Variants in CLEC3B observed in about 807,000 individuals in gnomAD.
CLEC3B encodes tetranectin.
A neutral mutation model predicts 15.4 loss-of-function variants in CLEC3B; 13 were observed. The ratio of observed to expected loss-of-function variants is 0.84; its 90% CI spans 0.55 to 1.34. The LOEUF is 1.34. CLEC3B is among the 40% of genes most tolerant of loss of function. The pLI, the probability that CLEC3B is intolerant of heterozygous loss-of-function variation, is 0.00. For missense variants in CLEC3B, 242 were observed against 268.6 expected, an observed-to-expected ratio of 0.90 and a Z score of 0.69; for synonymous variants, 112 against 114.7, an observed-to-expected ratio of 0.98 and a Z score of 0.15.
chr3:45,034,014 T>G (rs1396591123), intron 2 of CLEC3B, among the ~76,000 whole-genome samples: 1 of 152,194 alleles, frequency 6.6e-6, no homozygotes, highest in Non-Finnish European at 1.5e-5. Flanking sequence ...TTCGGCACTG[T>G]CCTGAGTCGG....
intron 2 of CLEC3B, among the ~76,000 whole-genome samples, chr3:45,031,867 G>T (rs1472087727): frequency 3.0e-5 from 4 of 131,208 alleles, no homozygotes; most frequent in Non-Finnish European, 6.4e-5. Flanking sequence ...TGTTCTTGAT[G>T]CTTGATGCAG....
chr3:45,029,539 C>A (rs185874187), intron 1 of CLEC3B, among the ~76,000 whole-genome samples: 1 of 152,176 alleles, frequency 6.6e-6, no homozygotes, highest in Non-Finnish European at 1.5e-5. Flanking sequence ...TGTTTTTGCT[C>A]CAGTTTGGTA....
At chr3:45,030,055 T>C in intron 1 of CLEC3B, 1 of 566,212 alleles carries the variant, frequency 1.8e-6, no homozygotes, top group Non-Finnish European at 2.2e-6. Flanking sequence ...CATGGTGAAA[T>C]GCTGGTGGTA....
intron 2 of CLEC3B, among the ~76,000 whole-genome samples, chr3:45,033,449 C>T (rs150998005): frequency 3.9e-5 from 6 of 152,260 alleles, no homozygotes; most frequent in Admixed American, 3.9e-4. Flanking sequence ...TTGACCTAAC[C>T]AGAGTTGAAG....
intron 1 of CLEC3B, among the ~76,000 whole-genome samples, chr3:45,028,886 G>A (rs905214639): frequency 6.6e-6 from 1 of 152,214 alleles, no homozygotes; most frequent in African/African-American, 2.4e-5. Flanking sequence ...TGGCCCTCAG[G>A]GTGGGTGAGA....
At chr3:45,027,485 AAG>A (rs1451261149) in intron 1 of CLEC3B, among the ~76,000 whole-genome samples, 1 of 152,256 alleles carries the variant, frequency 6.6e-6, no homozygotes, top group Non-Finnish European at 1.5e-5. Context: ...AAAGTGAAAA[AAG>A]AAACATTCAA....
At chr3:45,027,669 A>C (rs1697502177) in intron 1 of CLEC3B, among the ~76,000 whole-genome samples, 1 of 152,234 alleles carries the variant, frequency 6.6e-6, no homozygotes, top group Non-Finnish European at 1.5e-5. Flanking sequence ...TGGGAAAGAA[A>C]CCAGCTTTTT....
Position 45,036,011 on chromosome 3 carries a change from C to T in CLEC3B, c.*87C>T. Reference sequence around the variant, plus strand: ...AGGGTGGGGACCTTGCAGCCCCCATCCTCTCCGTGCGCTTGGAGCCTCTTT... The same window carrying T: ...AGGGTGGGGACCTTGCAGCCCCCATTCTCTCCGTGCGCTTGGAGCCTCTTT... On this transcript the variant is annotated 3_prime_UTR_variant, in exon 3 of 3. Coordinates refer to ENST00000296130, the MANE Select transcript of CLEC3B (RefSeq NM_003278.3). 7.3e-7 allele frequency: 1 copy of T among 1,369,996 alleles called. No homozygotes were observed. Among genetic ancestry groups the T allele is most frequent in the Non-Finnish European group, 9.7e-7 (1 of 1,034,932 alleles). 84.9% of individuals were successfully genotyped at this position (1,369,996 alleles called of 1,614,324 possible).
intron 2 of CLEC3B, among the ~76,000 whole-genome samples, chr3:45,033,004 A>G (rs1697585652): frequency 6.6e-6 from 1 of 152,220 alleles, no homozygotes; most frequent in African/African-American, 2.4e-5. Context: ...CAGCTTTAAG[A>G]ACATCTGAGA....
intron 2 of CLEC3B, among the ~76,000 whole-genome samples, chr3:45,032,826 C>T (rs1257286869): frequency 6.6e-6 from 1 of 152,204 alleles, no homozygotes; most frequent in African/African-American, 2.4e-5. Flanking sequence ...AGTTTTTGTT[C>T]AGAAGTTTCA....
intron 1 of CLEC3B, among the ~76,000 whole-genome samples, chr3:45,029,137 C>T (rs1411938054): frequency 7.6e-6 from 1 of 131,796 alleles, no homozygotes; most frequent in Non-Finnish European, 1.6e-5. Flanking sequence ...CACCTACTCC[C>T]ACAGCTTCCT....
At chr3:45,029,336 A>G (rs75068862) in intron 1 of CLEC3B, among the ~76,000 whole-genome samples, 7,056 of 152,338 alleles carry the variant, frequency 0.046, 411 homozygotes, top group African/African-American at 0.14. Context: ...ATGGGCCTTC[A>G]TGTGTCCCTC....
rs111461629 is a variant in CLEC3B, at chr3:45,036,067, G to C, written c.*143G>C. On this transcript the variant is annotated 3_prime_UTR_variant, in exon 3 of 3. Transcript: ENST00000296130. ...AATAAAGTTGGTGCAGCTTCGCGGA[G>C]AGGAGAGGCGCTGCAGTCTGTGCTG... 5.9e-6 allele frequency: 6 copies of C among 1,018,986 alleles called. No individual in the cohort carries two copies. Among genetic ancestry groups the C allele is most frequent in the Admixed American group, 5.8e-5 (2 of 34,546 alleles). The allele number at this position is 1,018,986 out of a possible 1,614,324, so 63.1% of individuals were successfully genotyped here. A position where few individuals can be genotyped will look rare whatever the true frequency, so the allele number is the denominator to read the frequency against.
chr3:45,031,713 T>G (rs1370928853), intron 2 of CLEC3B, among the ~76,000 whole-genome samples: 2 of 152,152 alleles, frequency 1.3e-5, no homozygotes, highest in African/African-American at 4.8e-5. Context: ...TGTTTCTCAC[T>G]CCCCATGTTC....
chr3:45,035,915 G>GCC lies in CLEC3B; in HGVS notation c.600_601insCC (p.Ile201ProfsTer?). The GCC allele has an allele frequency of 6.3e-7, 1 of 1,588,714 alleles. No homozygotes were observed. The highest frequency in any genetic ancestry group is 8.6e-7 in the Non-Finnish European group (1 of 1,165,894). ...AGCTGCCCTACATCTGCCAGTTCGG[G>GCC]ATCGTGTAGCCGGCGGGGCGGGGGC... On this transcript the variant is annotated frameshift_variant, in exon 3 of 3. Coordinates refer to ENST00000296130, the MANE Select transcript of CLEC3B (RefSeq NM_003278.3). LOFTEE classifies it high-confidence loss of function.
chr3:45,033,475 C>A (rs973139469), intron 2 of CLEC3B, among the ~76,000 whole-genome samples: 7 of 152,154 alleles, frequency 4.6e-5, no homozygotes, highest in African/African-American at 1.7e-4. Flanking sequence ...AGGGGGCAAC[C>A]TTTCCCTCCT....
chr3:45,026,410 G>A lies in CLEC3B; in HGVS notation c.48G>A (p.Leu16=), dbSNP rs746331675. The change falls in exon 1 of 3, where the codon CTG becomes CTA. Residue 16 remains leucine, a synonymous_variant. Transcript: ENST00000296130. ...AYLLLCLFSL[L]TQVTTEPPTQ... ...TCCTCCTCTGCCTCTTCTCCCTCCT[G>A]ACCCAGGTCACCACCGAGCCACCAA... The A allele has an allele frequency of 6.2e-7, 1 of 1,613,886 alleles. No individual in the cohort carries two copies. Among genetic ancestry groups the A allele is most frequent in the Non-Finnish European group, 8.5e-7 (1 of 1,179,992 alleles).
At chr3:45,029,876 A>G (rs1559758895) in intron 1 of CLEC3B, among the ~76,000 whole-genome samples, 2 of 152,124 alleles carry the variant, frequency 1.3e-5, no homozygotes, top group Admixed American at 1.3e-4. Context: ...TGACTCTTAC[A>G]TGACTGGCTG....
Sources: gnomAD v4.1 joint callset for allele counts (sites outside exome capture counted in the v4.1 genomes callset) on GRCh38, gnomAD v4.1.1 for gene constraint, MANE v1.5 for transcripts, NCBI Gene and HGNC (gene_info 2026-07-23, HGNC 2026-07-21) for gene names.